TAMM41: variants seen among roughly 807,000 people sequenced by gnomAD.
The protein encoded by TAMM41 is TAM41 mitochondrial translocator assembly and maintenance homolog, also known as phosphatidate cytidylyltransferase, mitochondrial.
TAMM41 carries 36 observed loss-of-function variants against 44.1 expected under a neutral mutation model. That is an observed-to-expected ratio of 0.82 (90% confidence interval 0.63 to 1.08). The LOEUF is 1.08. Ranked by LOEUF, TAMM41 falls within the 50% of genes least tolerant of loss-of-function variation. TAMM41 has a pLI of 0.00. For synonymous variants in TAMM41, 164 were observed against 153.1 expected (o/e 1.07, Z -0.53); for missense variants, 417 against 404.3 (o/e 1.03, Z -0.27).
chr3:11,741,555 C>T, the TAMM41 span, among the ~76,000 whole-genome samples: 3 of 150,134 alleles, frequency 2.0e-5, no homozygotes, highest in East Asian at 5.8e-4. Context: ...GTCTTCCACC[C>T]ACTAACTAAG....
At chr3:11,810,314 G>A (rs1181726580) in intron 5 of TAMM41, among the ~76,000 whole-genome samples, 6 of 152,138 alleles carry the variant, frequency 3.9e-5, no homozygotes, top group South Asian at 2.1e-4. Flanking sequence ...CTATGCCAGC[G>A]GCTTCGGTTC....
the TAMM41 span, among the ~76,000 whole-genome samples, chr3:11,731,969 C>A: frequency 6.6e-6 from 1 of 151,722 alleles, no homozygotes; most frequent in Non-Finnish European, 1.5e-5. Flanking sequence ...TGGGTTCAAG[C>A]AATTCTCATG....
downstream of TAMM41, among the ~76,000 whole-genome samples, chr3:11,788,033 GA>G (rs1473405647): frequency 6.6e-6 from 1 of 152,190 alleles, no homozygotes; most frequent in Non-Finnish European, 1.5e-5. Flanking sequence ...GGCTGTGTGA[GA>G]AAAGGCACTA....
At chr3:11,745,208 G>C in the TAMM41 span, among the ~76,000 whole-genome samples, 1 of 152,170 alleles carries the variant, frequency 6.6e-6, no homozygotes, top group Admixed American at 6.5e-5. Flanking sequence ...GTGCACACCT[G>C]TAGTCCCAGC....
chr3:11,834,242 T>C (rs567238882), intron 3 of TAMM41, among the ~76,000 whole-genome samples: 1 of 152,060 alleles, frequency 6.6e-6, no homozygotes, highest in Admixed American at 6.5e-5. Flanking sequence ...GTCTCAAAAA[T>C]AAAATTAAAA....
chr3:11,808,103 G>T, intron 6 of TAMM41: 1 of 1,092,512 alleles, frequency 9.2e-7, no homozygotes, highest in Non-Finnish European at 1.3e-6. Context: ...GCGCCACCCG[G>T]CTGTGTGAGT....
At chr3:11,752,793 C>T in the TAMM41 span, among the ~76,000 whole-genome samples, 19 of 151,824 alleles carry the variant, frequency 1.3e-4, 1 homozygote, top group South Asian at 2.7e-3. Flanking sequence ...GTGCTATAGG[C>T]GCATGCCACC....
intron 5 of TAMM41, chr3:11,810,702 C>T (rs554674150): frequency 2.6e-5 from 4 of 152,136 alleles, no homozygotes; most frequent in South Asian, 4.2e-4. Context: ...ACAGATAGGA[C>T]GAACTTTCTT....
Position 11,813,591 on chromosome 3 carries a change from C to T in TAMM41, c.708+3601G>A, listed in dbSNP as rs549526866. Among the ~76,000 whole-genome samples, 7 of 152,120 alleles carry T rather than the reference C, an allele frequency of 4.6e-5. No individual in the cohort carries two copies. The South Asian group carries it at 1.5e-3, about 32-fold the overall frequency. On this transcript the variant is annotated intron_variant, in intron 5 of 7. Transcript: ENST00000455809. ...CCTCATAATCCTATAGTCAAGCCCA[C>T]CAGTTGACAAGCCTGATATATCACA...
Position 11,839,269 on chromosome 3 carries a change from G to T in TAMM41, c.364C>A (p.Leu122Ile). Residue 122 changes from leucine (L) to isoleucine (I), a missense_variant, in exon 3 of 8, where the codon CTC becomes ATC. Coordinates refer to ENST00000455809, the MANE Select transcript of TAMM41 (RefSeq NM_001284401.2). ...VISTNVLIED[L>I]LNWNNLYIAG... is the part of the protein sequence containing the mutation. The stretch of plus-strand genomic sequence containing the variant: ...ATGTATAAGTTATTCCAGTTGAGGA[G>T]ATCTTCAATCAGAACGTTAGTGCTA... 1 of 1,613,736 alleles carries T rather than the reference G, an allele frequency of 6.2e-7. No individual in the cohort carries two copies. Among genetic ancestry groups the T allele is most frequent in the Non-Finnish European group, 8.5e-7 (1 of 1,179,790 alleles).
At chr3:11,725,338 TCTC>T in the TAMM41 span, among the ~76,000 whole-genome samples, 2 of 77,302 alleles carry the variant, frequency 2.6e-5, no homozygotes, top group South Asian at 4.7e-4. Context: ...CTTTTTTTCT[TCTC>T]CTCCTCCTCC....
chr3:11,734,078 A>AGACGG, the TAMM41 span, among the ~76,000 whole-genome samples: 2 of 152,194 alleles, frequency 1.3e-5, no homozygotes, highest in African/African-American at 4.8e-5. Flanking sequence ...CACTGAATGA[A>AGACGG]GACGGGCTAG....
the TAMM41 span, among the ~76,000 whole-genome samples, chr3:11,772,214 G>A: frequency 1.3e-5 from 2 of 150,848 alleles, no homozygotes; most frequent in Non-Finnish European, 2.9e-5. Context: ...GGGACTACAG[G>A]CGCCTGCCAC....
intron 6 of TAMM41, 155 bp from the exon 7 acceptor site, chr3:11,808,050 G>C (rs2077971678): frequency 7.2e-7 from 1 of 1,382,956 alleles, no homozygotes; most frequent in Admixed American, 2.9e-5. Context: ...CAATGAAAAG[G>C]GCAGTGGGAT....
the TAMM41 span, among the ~76,000 whole-genome samples, chr3:11,741,500 A>T: frequency 6.7e-6 from 1 of 149,840 alleles, no homozygotes; most frequent in African/African-American, 2.5e-5. Flanking sequence ...CAAGACCCCC[A>T]GAGGATGCCT....
At chr3:11,793,621 G>A (rs781367672) in intron 7 of TAMM41, among the ~76,000 whole-genome samples, 3 of 152,136 alleles carry the variant, frequency 2.0e-5, no homozygotes, top group Non-Finnish European at 4.4e-5. Flanking sequence ...GATACATTGC[G>A]GTATATTCAC....
the TAMM41 span, among the ~76,000 whole-genome samples, chr3:11,748,902 G>A: frequency 0.85 from 125,260 of 147,006 alleles, 53,959 homozygotes; most frequent in African/African-American, 0.96. Flanking sequence ...TCAACACCCT[G>A]GGAAGTAGAT....
rs537033364 is a variant in TAMM41 at position 11,846,415 on chromosome 3, G to A, written c.135+87C>T. On this transcript the variant is annotated intron_variant, in intron 1 of 7. Transcript: ENST00000455809. ...ACACGTGGAGTGTGCAGAGCGGACA[G>A]GCAGCTCTCCGACTCTGAAGGAATC... 2.0e-6 allele frequency: 3 copies of A among 1,485,734 alleles called. No individual in the cohort carries two copies. In the East Asian group the frequency reaches 6.8e-5, roughly 34 times the overall value. The allele number at this position is 1,485,734 out of a possible 1,614,324, so 92.0% of individuals were successfully genotyped here.
At chr3:11,791,570 G>A (rs1233793007) in intron 7 of TAMM41, among the ~76,000 whole-genome samples, 1 of 152,130 alleles carries the variant, frequency 6.6e-6, no homozygotes, top group African/African-American at 2.4e-5. Flanking sequence ...TCTGTGCTAT[G>A]AGTGTAAAGT....
Sources: gnomAD v4.1 joint callset for allele counts (sites outside exome capture counted in the v4.1 genomes callset) on GRCh38, gnomAD v4.1.1 for gene constraint, MANE v1.5 for transcripts, NCBI Gene and HGNC (gene_info 2026-07-23, HGNC 2026-07-21) for gene names.